Variants in SLC15A5 observed in about 807,000 individuals in gnomAD.
SLC15A5 encodes Peptide/histidine transporter ENSP00000340402.
In SLC15A5, 58 loss-of-function variants were observed where a neutral mutation model predicts 56.1. That is an observed-to-expected ratio of 1.03 (90% CI 0.84 to 1.29). The LOEUF is 1.29. Among genes scored for constraint, SLC15A5 ranks in the 50% most tolerant of loss-of-function variants. SLC15A5 has a pLI of 0.00. For synonymous variants in SLC15A5, 264 were observed against 250.5 expected, an observed-to-expected ratio of 1.05 and a Z score of -0.51; for missense variants, 681 against 672.1, an observed-to-expected ratio of 1.01 and a Z score of -0.15.
chr12:16,268,492 T>C (rs1864717461), intron 2 of SLC15A5, among the ~76,000 whole-genome samples: 1 of 152,230 alleles, frequency 6.6e-6, no homozygotes, highest in Admixed American at 6.5e-5. Flanking sequence ...AAGGACATTT[T>C]GAGTATTAAT....
At chr12:16,258,832 C>T (rs1256753480) in intron 2 of SLC15A5, among the ~76,000 whole-genome samples, 1 of 151,892 alleles carries the variant, frequency 6.6e-6, no homozygotes, top group East Asian at 1.9e-4. Flanking sequence ...TTCACCTTTG[C>T]CATATAACAT....
At chr12:16,259,023 C>T (rs1207208112) in intron 2 of SLC15A5, among the ~76,000 whole-genome samples, 64 of 48,158 alleles carry the variant, frequency 1.3e-3, no homozygotes, top group East Asian at 2.7e-3. Flanking sequence ...TTCTTTCTTT[C>T]CTTTTTTTTT....
chr12:16,257,133 CAGAGAG>C (rs758829657), intron 3 of SLC15A5, among the ~76,000 whole-genome samples: 1 of 151,548 alleles, frequency 6.6e-6, no homozygotes, highest in African/African-American at 2.4e-5. Context: ...GTGTGTGTGA[CAGAGAG>C]AGAGAGATTG....
chr12:16,237,971 A>G lies in SLC15A5; in HGVS notation c.1162+1710T>C, dbSNP rs1290614085. ...TCACCAAATATGTGCTGGCTTTTGG[A>G]TTTCTACATTGGCAGACAGAAAAGC... On this transcript the variant is annotated intron_variant, in intron 5 of 8. Coordinates refer to ENST00000344941, the MANE Select transcript of SLC15A5 (RefSeq NM_001170798.1). This position sits in a 1 kb window ranked among gnomAD's most constrained non-coding sequence, Gnocchi z 4.1. Among the ~76,000 whole-genome samples, 1 of 152,074 alleles carries G rather than the reference A, an allele frequency of 6.6e-6. No homozygotes were observed. The highest frequency in any genetic ancestry group is 1.5e-5 in the Non-Finnish European group (1 of 68,012).
At chr12:16,252,179 T>C (rs954620737) in intron 3 of SLC15A5, among the ~76,000 whole-genome samples, 1 of 152,012 alleles carries the variant, frequency 6.6e-6, no homozygotes, top group African/African-American at 2.4e-5. Flanking sequence ...ATAAAAGTCA[T>C]ATATGAATAT....
intron 5 of SLC15A5, among the ~76,000 whole-genome samples, chr12:16,238,645 A>AT (rs1555172233): frequency 6.6e-6 from 1 of 151,558 alleles, no homozygotes; most frequent in East Asian, 1.9e-4. Context: ...AAAAAAAAAA[A>AT]AATAAGAACA....
intron 4 of SLC15A5, among the ~76,000 whole-genome samples, chr12:16,241,197 C>G (rs1864411962): frequency 6.6e-6 from 1 of 152,126 alleles, no homozygotes; most frequent in African/African-American, 2.4e-5. Flanking sequence ...GAAAGTCAAC[C>G]AAGTCTTCTT....
At chr12:16,236,752 A>T (rs1864355916) in intron 5 of SLC15A5, among the ~76,000 whole-genome samples, 1 of 152,178 alleles carries the variant, frequency 6.6e-6, no homozygotes, top group Non-Finnish European at 1.5e-5. Flanking sequence ...GTGGAAGGGC[A>T]TGTGACAGTA....
Position 16,272,790 on chromosome 12 carries a change from G to C in SLC15A5, c.362-7C>G. The stretch of plus-strand genomic sequence containing the variant: ...ACAGATAACAAAGCAGTGCCTGTAG[G>C]TGGAGAAAAAAAAAGAGTAAATGTA... On this transcript the variant is annotated splice_region_variant and splice_polypyrimidine_tract_variant and intron_variant, in intron 1 of 8. Coordinates refer to ENST00000344941, the MANE Select transcript of SLC15A5 (RefSeq NM_001170798.1). The C allele has an allele frequency of 6.5e-7, 1 of 1,534,118 alleles. No homozygotes were observed. Among genetic ancestry groups the C allele is most frequent in the Non-Finnish European group, 8.7e-7 (1 of 1,144,778 alleles).
chr12:16,274,259 A>G (rs1440550372), intron 1 of SLC15A5, among the ~76,000 whole-genome samples: 1 of 152,078 alleles, frequency 6.6e-6, no homozygotes, highest in Non-Finnish European at 1.5e-5. Flanking sequence ...ATGTTCTTTA[A>G]CAATGCAACA....
In SLC15A5 at chr12:16,272,563, G is replaced by A; in HGVS notation, c.582C>T (p.Asn194=). ...CTCTCCTAGCCAGTGCTACTTACCA[G>A]TTAAAAAAAGACATCGTTTTTTGTG... ...YGSQKTMSFF[N]WFYWLMNLNA... The change falls in exon 2 of 9, where the codon AAC becomes AAT. Residue 194 remains asparagine, a splice_region_variant and synonymous_variant. Coordinates refer to ENST00000344941, the MANE Select transcript of SLC15A5 (RefSeq NM_001170798.1). 6.5e-7 allele frequency: 1 copy of A among 1,536,668 alleles called. No homozygotes were observed.
chr12:16,254,516 G>A (rs1864549708), intron 3 of SLC15A5, among the ~76,000 whole-genome samples: 1 of 152,130 alleles, frequency 6.6e-6, no homozygotes, highest in Non-Finnish European at 1.5e-5. Flanking sequence ...TGCTGCAAAT[G>A]ACAGGATTTC....
intron 3 of SLC15A5, among the ~76,000 whole-genome samples, chr12:16,256,858 C>CAA (rs370679232): frequency 4.2e-4 from 55 of 132,514 alleles, no homozygotes; most frequent in African/African-American, 1.5e-3. Flanking sequence ...GGCTCCGTCT[C>CAA]AAAAAAAAAA....
chr12:16,232,505 T>A (rs894295177), intron 5 of SLC15A5, among the ~76,000 whole-genome samples: 17 of 152,108 alleles, frequency 1.1e-4, no homozygotes, highest in African/African-American at 3.9e-4. Context: ...AGTACAATGG[T>A]TGAAAAAGAC....
chr12:16,192,799 A>T (rs1863849443), intron 8 of SLC15A5, among the ~76,000 whole-genome samples: 1 of 152,138 alleles, frequency 6.6e-6, no homozygotes, highest in Non-Finnish European at 1.5e-5. Flanking sequence ...ATGGCTAGGC[A>T]TAAGACCATT....
intron 7 of SLC15A5, among the ~76,000 whole-genome samples, chr12:16,207,370 A>G (rs892817428): frequency 6.6e-6 from 1 of 152,250 alleles, no homozygotes; most frequent in African/African-American, 2.4e-5. Context: ...CTAATAGCGT[A>G]GATATAATGA....
At chr12:16,229,233 A>C (rs1184970953) in intron 5 of SLC15A5, among the ~76,000 whole-genome samples, 1 of 152,220 alleles carries the variant, frequency 6.6e-6, no homozygotes, top group African/African-American at 2.4e-5. Flanking sequence ...AACTTTTAAC[A>C]TGGCCTGTGT....
intron 3 of SLC15A5, among the ~76,000 whole-genome samples, chr12:16,255,330 G>A (rs73328936): frequency 0.053 from 8,038 of 152,040 alleles, 327 homozygotes; most frequent in African/African-American, 0.11. Context: ...AATGCTCTAA[G>A]GCAATGAAAA....
intron 7 of SLC15A5, among the ~76,000 whole-genome samples, chr12:16,211,730 C>T (rs925949113): frequency 1.3e-5 from 2 of 152,066 alleles, no homozygotes; most frequent in African/African-American, 4.8e-5. Context: ...ATAAACTATT[C>T]CTGAAATGAT....
Sources: gnomAD v4.1 joint callset for allele counts (sites outside exome capture counted in the v4.1 genomes callset) on GRCh38, gnomAD v4.1.1 for gene constraint, Gnocchi (gnomAD v3.1) non-coding constraint, MANE v1.5 for transcripts, NCBI Gene and HGNC (gene_info 2026-07-23, HGNC 2026-07-21) for gene names.